The following ZNF736 variants were observed in gnomAD, a reference collection of about 807,000 sequenced individuals.
The protein encoded by ZNF736 is zinc finger protein 736.
Under a neutral mutation model 11.7 loss-of-function variants are expected in ZNF736, and 6 were observed. The observed-to-expected ratio is 0.51, with a 90% CI of 0.28 to 1.01. The LOEUF (loss-of-function observed/expected upper bound fraction) is 1.01, where lower values mean the gene tolerates loss of function less well. ZNF736 is among the 50% of genes least tolerant of loss of function. The pLI is 0.09. For missense variants in ZNF736, 444 were observed against 496.0 expected, an observed-to-expected ratio of 0.90 and a Z score of 1.00; for synonymous variants, 139 against 164.7, an observed-to-expected ratio of 0.84 and a Z score of 1.19.
At chr7:64,319,307 GTATATGTA>G (rs1788961205) in intron 1 of ZNF736, among the ~76,000 whole-genome samples, 1 of 129,084 alleles carries the variant, frequency 7.7e-6, no homozygotes, top group Non-Finnish European at 1.6e-5. Flanking sequence ...GTGTGTGTGT[GTATATGTA>G]TGTGTGTGTG....
At chr7:64,318,095 A>G (rs1788942124) in intron 1 of ZNF736, among the ~76,000 whole-genome samples, 1 of 151,980 alleles carries the variant, frequency 6.6e-6, no homozygotes. Context: ...GTCATGAACT[A>G]AAATTTTATA....
chr7:64,321,818 G>A (rs1412004620), intron 1 of ZNF736, among the ~76,000 whole-genome samples: 1 of 152,116 alleles, frequency 6.6e-6, no homozygotes, highest in Non-Finnish European at 1.5e-5. Context: ...GGAAGAAGCA[G>A]GGGCAAAAAA....
intron 3 of ZNF736, among the ~76,000 whole-genome samples, chr7:64,344,152 AT>A (rs1003487591): frequency 1.9e-4 from 29 of 152,124 alleles, no homozygotes; most frequent in African/African-American, 6.5e-4. Flanking sequence ...AAAATATAAA[AT>A]TAGCCAAGTG....
intron 3 of ZNF736, 30 bp downstream of exon 3, chr7:64,337,012 C>A (rs1789261517): frequency 6.4e-7 from 1 of 1,555,860 alleles, no homozygotes; most frequent in Non-Finnish European, 8.8e-7. Flanking sequence ...GCAGATGACA[C>A]AAATGACGGA....
intron 1 of ZNF736, among the ~76,000 whole-genome samples, chr7:64,319,256 ATG>A (rs1389568312): frequency 2.8e-5 from 4 of 143,514 alleles, no homozygotes; most frequent in African/African-American, 5.1e-5. Context: ...ATGTATATGT[ATG>A]TGTGTGTGTG....
intron 1 of ZNF736, among the ~76,000 whole-genome samples, chr7:64,334,127 C>T (rs1789213328): frequency 6.6e-6 from 1 of 152,152 alleles, no homozygotes; most frequent in South Asian, 2.1e-4. Flanking sequence ...CTCCCTTACA[C>T]CTTATACAAA....
chr7:64,314,821 C>T (rs1036118208), intron 1 of ZNF736, among the ~76,000 whole-genome samples: 2 of 152,212 alleles, frequency 1.3e-5, no homozygotes, highest in African/African-American at 2.4e-5. Flanking sequence ...GATCCGCCCG[C>T]CTCGGGCCTC....
rs1381406138 is a variant in ZNF736, at chr7:64,314,020, C to T, written c.-131C>T. The T allele has an allele frequency of 3.9e-6, 5 of 1,284,612 alleles. No individual in the cohort carries two copies. The highest frequency in any genetic ancestry group is 5.5e-6 in the Non-Finnish European group (5 of 910,816). The allele number at this position is 1,284,612 out of a possible 1,614,324, so 79.6% of individuals were successfully genotyped here. A position where few individuals can be genotyped will look rare whatever the true frequency, so the allele number is the denominator to read the frequency against. On this transcript the variant is annotated 5_prime_UTR_variant, in exon 1 of 4. Transcript: ENST00000423484. ...TAGCTTCCGGGCTCTGATCCTAGTTCGCGTCTCCACTGTTCCATCTCCTCC... is the reference window on the plus strand; with the variant it reads ...TAGCTTCCGGGCTCTGATCCTAGTTTGCGTCTCCACTGTTCCATCTCCTCC...
At chr7:64,331,778 G>A (rs7810545) in intron 1 of ZNF736, among the ~76,000 whole-genome samples, 51,963 of 151,978 alleles carry the variant, frequency 0.34, 9,553 homozygotes, top group African/African-American at 0.49. Flanking sequence ...AGACTGCTCT[G>A]CTTGGATTTG....
At chr7:64,335,345 G>A (rs1789232349) in intron 1 of ZNF736, among the ~76,000 whole-genome samples, 1 of 151,962 alleles carries the variant, frequency 6.6e-6, no homozygotes, top group South Asian at 2.1e-4. Context: ...GAACATGGGA[G>A]ATATTTGTAG....
intron 1 of ZNF736, among the ~76,000 whole-genome samples, chr7:64,330,928 G>A (rs1327580706): frequency 1.4e-4 from 21 of 152,312 alleles, no homozygotes; most frequent in Middle Eastern, 3.4e-3. Flanking sequence ...CCAATTGCAG[G>A]ACAAAGTTTT....
At position 64,348,489 on chromosome 7, in the gene ZNF736, C is replaced by A. The variant is rs11976837; in HGVS notation, c.626C>A (p.Ala209Glu). Residue 209 changes from alanine (A) to glutamate (E), a missense_variant, in exon 4 of 4, where the codon GCG (alanine) becomes GAG (glutamate). Physicochemically the swap from Ala to Glu is moderately radical, Grantham distance 107. Transcript: ENST00000423484. The stretch of plus-strand genomic sequence containing the variant: ...TACAAATGTGAAGAATGTGGCAAAG[C>A]GTTTAAAAAGTTTTCAAACCTTACT... Reference protein sequence around the residue: ...RCYKCEECGKAFKKFSNLTEH... With the variant: ...RCYKCEECGKEFKKFSNLTEH... 460,528 of 1,558,676 alleles carry A rather than the reference C, an allele frequency of 0.3. 70,779 individuals carry two copies. Among genetic ancestry groups the A allele is most frequent in the African/African-American group, 0.49 (35,906 of 73,200 alleles).
intron 1 of ZNF736, among the ~76,000 whole-genome samples, chr7:64,329,467 AG>A (rs534404732): frequency 6.6e-6 from 1 of 152,150 alleles, no homozygotes; most frequent in Non-Finnish European, 1.5e-5. Context: ...TATCTGCATT[AG>A]GGGGCACCCC....
chr7:64,315,485 G>A (rs1788903610), intron 1 of ZNF736, among the ~76,000 whole-genome samples: 2 of 152,052 alleles, frequency 1.3e-5, no homozygotes, highest in African/African-American at 4.8e-5. Context: ...TGTAATTAGA[G>A]CTTTTTATTG....
At chr7:64,340,802 T>C (rs903530767) in intron 3 of ZNF736, among the ~76,000 whole-genome samples, 1 of 152,202 alleles carries the variant, frequency 6.6e-6, no homozygotes, top group African/African-American at 2.4e-5. Flanking sequence ...TCTTTATTGT[T>C]GTCTTATTTT....
Position 64,329,958 on chromosome 7 carries a change from G to A in ZNF736, c.4-6301G>A, listed in dbSNP as rs182058857. Among the ~76,000 whole-genome samples the A allele has an allele frequency of 2.6e-3, 403 of 152,134 alleles. 1 individual carries two copies. The highest frequency in any genetic ancestry group is 8.0e-3 in the African/African-American group (331 of 41,518). Reference sequence around the variant, plus strand: ...TCTGTTGTGGCTTAGCTGGCACCGAGGCCATGAGACAACATCCTTCCTACT... The same window carrying A: ...TCTGTTGTGGCTTAGCTGGCACCGAAGCCATGAGACAACATCCTTCCTACT... On this transcript the variant is annotated intron_variant, in intron 1 of 3. Coordinates refer to ENST00000423484, the MANE Select transcript of ZNF736 (RefSeq NM_001170905.3).
At chr7:64,341,839 A>G (rs1789342732) in intron 3 of ZNF736, among the ~76,000 whole-genome samples, 1 of 152,184 alleles carries the variant, frequency 6.6e-6, no homozygotes, top group Non-Finnish European at 1.5e-5. Flanking sequence ...GGAATGTGAA[A>G]CGAGTGGAAA....
rs1448063307 is a variant in ZNF736 at position 64,350,826 on chromosome 7, C to T, written c.*1679C>T. 1 of 147,428 alleles carries T rather than the reference C, an allele frequency of 6.8e-6. No homozygotes were observed. The highest frequency in any genetic ancestry group is 1.5e-5 in the Non-Finnish European group (1 of 66,752). 9.1% of individuals were successfully genotyped at this position (147,428 alleles called of 1,614,324 possible). ...TGGTGGTGGTGGTGGGTGGGCAATG[C>T]TCAGCTCACAACTCAGAGGCTGCAT... On this transcript the variant is annotated 3_prime_UTR_variant, in exon 4 of 4. Transcript: ENST00000423484.
rs1421525976 is a variant in ZNF736, at chr7:64,344,519, A to G, written c.227-3571A>G. Among the ~76,000 whole-genome samples, 4 of 152,304 alleles carry G rather than the reference A, an allele frequency of 2.6e-5. No homozygotes were observed. In the East Asian group the frequency reaches 7.7e-4, roughly 29 times the overall value. On this transcript the variant is annotated intron_variant, in intron 3 of 3. Coordinates refer to ENST00000423484, the MANE Select transcript of ZNF736 (RefSeq NM_001170905.3). ...GTTTTTAAGGATGTAACTATTTTAC[A>G]TATTCCATGTAAGTAGATTCATACA...
Sources: allele counts gnomAD v4.1 joint callset (sites outside exome capture counted in the v4.1 genomes callset), GRCh38; gene constraint gnomAD v4.1.1; transcripts MANE v1.5; gene names NCBI Gene and HGNC (gene_info 2026-07-23, HGNC 2026-07-21).